EPHA6: variants seen among roughly 807,000 people sequenced by gnomAD.
The protein encoded by EPHA6 is ephrin type-A receptor 6.
Under a neutral mutation model 112.0 loss-of-function variants are expected in EPHA6, and 50 were observed. That is an observed-to-expected ratio of 0.45 (90% CI 0.36 to 0.56). The LOEUF is 0.56. EPHA6 is among the 20% of genes least tolerant of loss of function. The pLI, the probability that EPHA6 is intolerant of heterozygous loss-of-function variation, is 0.00. For synonymous variants in EPHA6, 529 were observed against 490.7 expected (o/e 1.08, Z -1.03); for missense variants, 1,280 against 1,417.4 (o/e 0.90, Z 1.56).
intron 7 of EPHA6, among the ~76,000 whole-genome samples, chr3:97,451,699 G>A (rs1270077448): frequency 2.6e-5 from 4 of 151,550 alleles, no homozygotes; most frequent in African/African-American, 9.7e-5. Flanking sequence ...ATATGGATAG[G>A]TTTCCCATAA....
At chr3:97,196,354 A>C (rs1372598866) in intron 3 of EPHA6, among the ~76,000 whole-genome samples, 1 of 151,880 alleles carries the variant, frequency 6.6e-6, no homozygotes, top group Non-Finnish European at 1.5e-5. Flanking sequence ...CTATTCAATA[A>C]ACTTATCTGA....
At chr3:96,957,883 T>C (rs2041818516) in intron 2 of EPHA6, among the ~76,000 whole-genome samples, 1 of 152,212 alleles carries the variant, frequency 6.6e-6, no homozygotes, top group Non-Finnish European at 1.5e-5. Context: ...CATATTGGGT[T>C]GTTTTCACTA....
In EPHA6 at chr3:97,015,873, T is replaced by A. The variant is rs544194285; in HGVS notation, c.1114+27880T>A. 1.3e-4 allele frequency among the ~76,000 whole-genome samples: 20 copies of A among 152,304 alleles called. 1 individual carries two copies. The highest frequency in any genetic ancestry group is 4.6e-4 in the African/African-American group (19 of 41,582). On this transcript the variant is annotated intron_variant, in intron 3 of 17. Transcript: ENST00000389672. ...CAAAAACTTCACTAATAGCTGACGA[T>A]CTCTGGATAGTGACTTTTTTTAATT...
intron 11 of EPHA6, among the ~76,000 whole-genome samples, chr3:97,569,729 G>T (rs192602135): frequency 7.9e-5 from 12 of 152,262 alleles, no homozygotes; most frequent in Middle Eastern, 3.4e-3. Flanking sequence ...TATTCTTTGT[G>T]TCTGCATATA....
At position 97,512,107 on chromosome 3, in the gene EPHA6, GT is replaced by G. The variant is rs1467927884; in HGVS notation, c.2201-20248del. ...CTGAGATTTTACCTAAAATAATAAG[GT>G]TTACATTAGTGACAACGGAGCTTTA... is the stretch of plus-strand genomic sequence containing the variant. On this transcript the variant is annotated intron_variant, in intron 10 of 17. Transcript: ENST00000389672. 2.6e-5 allele frequency among the ~76,000 whole-genome samples: 4 copies of G among 151,990 alleles called. No homozygotes were observed. In the East Asian group the frequency reaches 5.8e-4, roughly 22 times the overall value.
intron 2 of EPHA6, among the ~76,000 whole-genome samples, chr3:96,948,595 A>G (rs1283553913): frequency 6.6e-6 from 1 of 152,204 alleles, no homozygotes; most frequent in Non-Finnish European, 1.5e-5. Context: ...ATCTTATTAT[A>G]TAGATTCGTG....
chr3:97,130,231 G>A (rs2048302315), intron 3 of EPHA6, among the ~76,000 whole-genome samples: 1 of 151,480 alleles, frequency 6.6e-6, no homozygotes, highest in Admixed American at 6.6e-5. Flanking sequence ...ACAGTATTCT[G>A]GGTACCCTTC....
chr3:97,539,014 TC>T (rs1560113042), intron 11 of EPHA6, among the ~76,000 whole-genome samples: 1 of 151,002 alleles, frequency 6.6e-6, no homozygotes, highest in Non-Finnish European at 1.5e-5. Context: ...TTTCTTTCTT[TC>T]TTTCTTTCTT....
At chr3:97,391,220 T>G (rs548501523) in intron 5 of EPHA6, among the ~76,000 whole-genome samples, 2 of 152,132 alleles carry the variant, frequency 1.3e-5, no homozygotes, top group African/African-American at 2.4e-5. Flanking sequence ...TATGGTGTCA[T>G]AGAGGATTTA....
At chr3:97,550,052 G>A (rs1476694885) in intron 11 of EPHA6, among the ~76,000 whole-genome samples, 1 of 152,184 alleles carries the variant, frequency 6.6e-6, no homozygotes, top group Admixed American at 6.5e-5. Context: ...CAAATCTCCA[G>A]TATGGATGAA....
At chr3:97,089,845 C>A (rs72920220) in intron 3 of EPHA6, among the ~76,000 whole-genome samples, 2 of 152,074 alleles carry the variant, frequency 1.3e-5, no homozygotes, top group South Asian at 4.1e-4. Flanking sequence ...AGTTTTATGA[C>A]CTATCTAGCT....
At chr3:97,115,288 A>G (rs914662288) in intron 3 of EPHA6, among the ~76,000 whole-genome samples, 2 of 151,864 alleles carry the variant, frequency 1.3e-5, no homozygotes, top group African/African-American at 4.8e-5. Context: ...GGGAGGGAAT[A>G]TAAATAAACC....
intron 14 of EPHA6, among the ~76,000 whole-genome samples, chr3:97,677,612 T>C (rs1403892822): frequency 6.6e-6 from 1 of 151,692 alleles, no homozygotes; most frequent in East Asian, 1.9e-4. Flanking sequence ...TCCCAGCTAT[T>C]TGGGTGGTTG....
chr3:97,211,750 A>G (rs2077882943), intron 3 of EPHA6, among the ~76,000 whole-genome samples: 1 of 152,192 alleles, frequency 6.6e-6, no homozygotes. Flanking sequence ...AATAACACCT[A>G]TTCTACAGAA....
intron 1 of EPHA6, among the ~76,000 whole-genome samples, chr3:96,840,237 C>A (rs1002266836): frequency 6.6e-6 from 1 of 152,060 alleles, no homozygotes; most frequent in East Asian, 1.9e-4. Flanking sequence ...TCAGTTTGCT[C>A]TTCTGGTAAC....
intron 5 of EPHA6, among the ~76,000 whole-genome samples, chr3:97,372,624 C>G (rs1433714678): frequency 6.6e-6 from 1 of 151,948 alleles, no homozygotes; most frequent in Non-Finnish European, 1.5e-5. Context: ...ATGAATGAAC[C>G]AGATGTGCAT....
chr3:97,228,981 G>C (rs533702271), intron 4 of EPHA6, among the ~76,000 whole-genome samples: 1 of 152,236 alleles, frequency 6.6e-6, no homozygotes, highest in African/African-American at 2.4e-5. Context: ...GTGATGTTGA[G>C]CATTTTTTCA....
intron 14 of EPHA6, among the ~76,000 whole-genome samples, chr3:97,708,552 T>G (rs966967369): frequency 1.3e-5 from 2 of 152,232 alleles, no homozygotes; most frequent in Non-Finnish European, 2.9e-5. Flanking sequence ...AATCCCATTT[T>G]GGGGGAAGAA....
intron 3 of EPHA6, chr3:97,010,057 A>G: frequency 7.7e-7 from 1 of 1,297,480 alleles, no homozygotes. Context: ...ACCCCGAAAC[A>G]GTAACCTTTG....
Sources: allele counts gnomAD v4.1 joint callset (sites outside exome capture counted in the v4.1 genomes callset), GRCh38; gene constraint gnomAD v4.1.1; transcripts MANE v1.5; gene names NCBI Gene and HGNC (gene_info 2026-07-23, HGNC 2026-07-21).